The following ROBO1 variants were observed in gnomAD, a reference collection of about 807,000 sequenced individuals.
ROBO1 encodes roundabout homolog 1.
A neutral mutation model predicts 195.9 loss-of-function variants in ROBO1; 149 were observed. The observed-to-expected ratio is 0.76, with a 90% CI of 0.67 to 0.87. The LOEUF is 0.87. Among genes scored for constraint, ROBO1 ranks in the 40% least tolerant of loss-of-function variants. The pLI is 0.00. For missense variants in ROBO1, 1,933 were observed against 2,068.3 expected (o/e 0.93, Z 1.27); for synonymous variants, 816 against 733.2 (o/e 1.11, Z -1.82).
chr3:79,055,462 G>A (rs573757996), intron 3 of ROBO1, among the ~76,000 whole-genome samples: 34 of 152,062 alleles, frequency 2.2e-4, no homozygotes, highest in Non-Finnish European at 4.6e-4. Flanking sequence ...TAAACATCCT[G>A]CTAACATGGG....
intron 3 of ROBO1, among the ~76,000 whole-genome samples, chr3:79,026,157 A>G (rs1395397396): frequency 2.0e-5 from 3 of 152,148 alleles, no homozygotes; most frequent in Non-Finnish European, 2.9e-5. Flanking sequence ...TAGAATAAAA[A>G]TTATAACAAG....
intron 4 of ROBO1, among the ~76,000 whole-genome samples, chr3:78,763,868 G>A (rs1052248271): frequency 5.9e-5 from 9 of 152,218 alleles, no homozygotes; most frequent in South Asian, 4.1e-4. Context: ...TGTACATACC[G>A]GAATTTAAAG....
chr3:79,529,409 G>A (rs1941560097), intron 2 of ROBO1, among the ~76,000 whole-genome samples: 1 of 152,170 alleles, frequency 6.6e-6, no homozygotes, highest in African/African-American at 2.4e-5. Flanking sequence ...AATCCTTTGA[G>A]TCCTGGAGGC....
intron 3 of ROBO1, among the ~76,000 whole-genome samples, chr3:79,059,173 C>T (rs1185312021): frequency 6.6e-6 from 1 of 152,056 alleles, no homozygotes; most frequent in Non-Finnish European, 1.5e-5. Context: ...ACTGATCATT[C>T]ATGGGAAATG....
At chr3:79,412,479 C>G (rs2037810442) in intron 2 of ROBO1, among the ~76,000 whole-genome samples, 1 of 152,126 alleles carries the variant, frequency 6.6e-6, no homozygotes. Flanking sequence ...AATTTTGGCA[C>G]TGCAAACACA....
At chr3:79,532,676 C>A (rs1575980177) in intron 2 of ROBO1, among the ~76,000 whole-genome samples, 1 of 152,262 alleles carries the variant, frequency 6.6e-6, no homozygotes, top group South Asian at 2.1e-4. Context: ...TTCTCTGAAT[C>A]TTGAATCACA....
chr3:79,185,078 T>C (rs2081414300), intron 2 of ROBO1, among the ~76,000 whole-genome samples: 1 of 152,156 alleles, frequency 6.6e-6, no homozygotes, highest in South Asian at 2.1e-4. Context: ...TATGTCACAG[T>C]GTTACTCTGA....
intron 2 of ROBO1, among the ~76,000 whole-genome samples, chr3:79,519,717 G>A (rs971033917): frequency 6.6e-6 from 1 of 151,604 alleles, no homozygotes; most frequent in African/African-American, 2.4e-5. Context: ...AAGGTTGAGA[G>A]TGAAAGTGTT....
At chr3:79,372,320 C>T (rs949032084) in intron 2 of ROBO1, among the ~76,000 whole-genome samples, 7 of 151,928 alleles carry the variant, frequency 4.6e-5, no homozygotes, top group African/African-American at 1.7e-4. Context: ...GATTCTCCTG[C>T]CTCAGCCTCC....
chr3:79,187,753 C>T (rs1298441147), intron 2 of ROBO1, among the ~76,000 whole-genome samples: 2 of 151,970 alleles, frequency 1.3e-5, no homozygotes, highest in African/African-American at 4.8e-5. Flanking sequence ...CAATTCTATA[C>T]AATTAATTAA....
At chr3:78,599,263 G>A (rs1020039471) in intron 30 of ROBO1, among the ~76,000 whole-genome samples, 2 of 152,114 alleles carry the variant, frequency 1.3e-5, no homozygotes, top group African/African-American at 4.8e-5. Context: ...TTAAATACTG[G>A]AGTTAACAGT....
intron 2 of ROBO1, among the ~76,000 whole-genome samples, chr3:79,429,478 C>A (rs1338182337): frequency 6.6e-6 from 1 of 152,056 alleles, no homozygotes; most frequent in Non-Finnish European, 1.5e-5. Context: ...AGGATGGGCC[C>A]ACAAACACGC....
chr3:79,349,790 C>T (rs1358998630), intron 2 of ROBO1, among the ~76,000 whole-genome samples: 4 of 151,964 alleles, frequency 2.6e-5, no homozygotes, highest in South Asian at 2.1e-4. Flanking sequence ...TGTTTCACAC[C>T]GTGTACAAAA....
chr3:79,732,261 G>T (rs571193933), intron 1 of ROBO1, among the ~76,000 whole-genome samples: 2 of 151,530 alleles, frequency 1.3e-5, no homozygotes, highest in East Asian at 3.9e-4. Flanking sequence ...TAAAAATATC[G>T]TTACACATGA....
intron 3 of ROBO1, among the ~76,000 whole-genome samples, chr3:78,998,594 G>A (rs144938841): frequency 4.8e-4 from 73 of 152,130 alleles, no homozygotes; most frequent in African/African-American, 1.6e-3. Context: ...TTCCCTTACC[G>A]CTTAAGTCCT....
intron 2 of ROBO1, among the ~76,000 whole-genome samples, chr3:79,528,358 T>C (rs571160821): frequency 6.6e-6 from 1 of 152,308 alleles, no homozygotes; most frequent in Middle Eastern, 3.4e-3. Context: ...TTTCATTACA[T>C]TGCAATGAGA....
intron 2 of ROBO1, among the ~76,000 whole-genome samples, chr3:79,164,498 C>A (rs904245088): frequency 6.6e-6 from 1 of 152,100 alleles, no homozygotes; most frequent in African/African-American, 2.4e-5. Context: ...CCTCCTCTAC[C>A]ATCACTCTCA....
chr3:79,674,922 T>C (rs1006312960), intron 1 of ROBO1, among the ~76,000 whole-genome samples: 4 of 151,682 alleles, frequency 2.6e-5, no homozygotes, highest in African/African-American at 9.7e-5. Flanking sequence ...GTTAAAAAAC[T>C]AGTAATTCTT....
intron 2 of ROBO1, among the ~76,000 whole-genome samples, chr3:79,441,521 A>C (rs1212749449): frequency 6.6e-6 from 1 of 152,162 alleles, no homozygotes; most frequent in Non-Finnish European, 1.5e-5. Flanking sequence ...TGGCTAGAAC[A>C]TGGAGCTTGA....
Sources: gnomAD v4.1 joint callset for allele counts (sites outside exome capture counted in the v4.1 genomes callset) on GRCh38, gnomAD v4.1.1 for gene constraint, MANE v1.5 for transcripts, NCBI Gene and HGNC (gene_info 2026-07-23, HGNC 2026-07-21) for gene names.